LARS1: variants seen among roughly 807,000 people sequenced by gnomAD.
LARS1 encodes the protein leucyl-tRNA synthetase 1.
In LARS1, 100 loss-of-function variants were observed where a neutral mutation model predicts 162.8. The ratio of observed to expected loss-of-function variants is 0.61; its 90% CI spans 0.52 to 0.73. The LOEUF is 0.73. LARS1 is among the 30% of genes least tolerant of loss of function. LARS1 has a pLI of 0.00. For missense variants in LARS1, 1,258 were observed against 1,408.9 expected (o/e 0.89, Z 1.71); for synonymous variants, 457 against 462.8 (o/e 0.99, Z 0.16).
intron 18 of LARS1, 82 bp from the exon 19 acceptor site, chr5:146,143,632 C>T: frequency 8.0e-7 from 1 of 1,243,742 alleles, no homozygotes; most frequent in Non-Finnish European, 1.1e-6. Flanking sequence ...GGGGCTATAA[C>T]ATTTACAAAG....
chr5:146,174,546 GTATATATCCATATA>G (rs1754452605), intron 2 of LARS1, among the ~76,000 whole-genome samples: 1 of 67,336 alleles, frequency 1.5e-5, no homozygotes, highest in Non-Finnish European at 3.6e-5. Context: ...ATCCATATAT[GTATATATCCATATA>G]TATATATATC....
intron 2 of LARS1, among the ~76,000 whole-genome samples, chr5:146,175,470 A>C (rs996946117): frequency 6.8e-6 from 1 of 147,084 alleles, no homozygotes; most frequent in Non-Finnish European, 1.5e-5. Context: ...TGAACCCGGG[A>C]GGCAGAGGTT....
chr5:146,120,322 A>G (rs999869016), intron 31 of LARS1, 49 bp downstream of exon 31: 3 of 1,602,670 alleles, frequency 1.9e-6, no homozygotes, highest in African/African-American at 2.7e-5. Context: ...CTTAGAACTC[A>G]CCAAATCTAC....
intron 24 of LARS1, 100 bp from the exon 25 acceptor site, chr5:146,130,258 C>T: frequency 8.8e-7 from 1 of 1,138,610 alleles, no homozygotes; most frequent in Non-Finnish European, 1.3e-6. Flanking sequence ...TTTTAAGTTT[C>T]TAGTCTTTTA....
intron 5 of LARS1, among the ~76,000 whole-genome samples, chr5:146,166,998 C>T (rs972420985): frequency 4.6e-5 from 7 of 152,160 alleles, no homozygotes; most frequent in Admixed American, 2.0e-4. Context: ...TAATAGTCTT[C>T]CTCCAAATCA....
At chr5:146,175,983 T>C (rs180769477) in intron 2 of LARS1, among the ~76,000 whole-genome samples, 1 of 151,808 alleles carries the variant, frequency 6.6e-6, no homozygotes, top group African/African-American at 2.4e-5. Context: ...AGCAAGACCC[T>C]GTCTCTAAGA....
chr5:146,181,386 A>T (rs918099445), intron 1 of LARS1, among the ~76,000 whole-genome samples: 3 of 151,510 alleles, frequency 2.0e-5, no homozygotes, highest in African/African-American at 7.3e-5. Context: ...AAAAACAAAA[A>T]AAAATAAAAC....
At chr5:146,146,929 G>T (rs1004861617) in intron 15 of LARS1, among the ~76,000 whole-genome samples, 4 of 151,908 alleles carry the variant, frequency 2.6e-5, no homozygotes, top group Admixed American at 6.6e-5. Flanking sequence ...GGCCAGGCTG[G>T]TCTCAAACTT....
At chr5:146,169,104 C>CAAGA (rs200941278) in intron 4 of LARS1, among the ~76,000 whole-genome samples, 44 of 151,424 alleles carry the variant, frequency 2.9e-4, no homozygotes, top group Non-Finnish European at 4.0e-4. Context: ...ATCCCACCAG[C>CAAGA]AAGAAAGAAA....
In LARS1 at chr5:146,160,232, C is replaced by T. The variant is rs537651992; in HGVS notation, c.707+142G>A. On this transcript the variant is annotated intron_variant, in intron 7 of 31. Transcript: ENST00000394434. ...TTTTTTATATAAAGAGATGTGGTCT[C>T]GCTATGTTGCCCAGGCTGGTCTCAA... is the stretch of plus-strand genomic sequence containing the variant. 9.1e-6 allele frequency: 4 copies of T among 439,278 alleles called. No individual in the cohort carries two copies. In the East Asian group the frequency reaches 1.3e-4, roughly 14 times the overall value. 27.2% of individuals were successfully genotyped at this position (439,278 alleles called of 1,614,324 possible).
In LARS1 at chr5:146,120,464, T is replaced by C; in HGVS notation, c.3232A>G (p.Asn1078Asp). The change falls in exon 31 of 32, where the codon AAT (asparagine) becomes GAT (aspartate). Residue 1078 changes from asparagine to aspartate, a missense_variant. Coordinates refer to ENST00000394434, the MANE Select transcript of LARS1 (RefSeq NM_020117.11). Reference sequence around the variant, plus strand: ...TCAATTTTGGTTGAGAAGTGGCCATTGGATGGCTGGGGATTCACCAGAGAA... The same window carrying C: ...TCAATTTTGGTTGAGAAGTGGCCATCGGATGGCTGGGGATTCACCAGAGAA... ...SVSLVNPQPS[N>D]GHFSTKIEIR... 2 of 1,613,150 alleles carry C rather than the reference T, an allele frequency of 1.2e-6. No homozygotes were observed. Among genetic ancestry groups the C allele is most frequent in the Non-Finnish European group, 8.5e-7 (1 of 1,179,350 alleles).
rs762844468 is a variant in LARS1 at position 146,171,965 on chromosome 5, T to C, written c.239A>G (p.Lys80Arg). Residue 80 changes from lysine to arginine, a missense_variant, in exon 4 of 32, where the codon AAA (lysine) becomes AGA (arginine). Lys to Arg is a conservative substitution (Grantham distance 26). Coordinates refer to ENST00000394434, the MANE Select transcript of LARS1 (RefSeq NM_020117.11). ...AAAGGGAAACAGACAACATTTTCCT[T>C]TCAATCGCTGGTACCCTACAGCAAA... is the stretch of plus-strand genomic sequence containing the variant. ...CEFAVGYQRL[K>R]GKCCLFPFGL... 2.5e-6 allele frequency: 4 copies of C among 1,613,796 alleles called. No individual in the cohort carries two copies. The African/African-American group carries it at 4.0e-5, about 16-fold the overall frequency.
intron 1 of LARS1, among the ~76,000 whole-genome samples, chr5:146,180,567 A>G (rs1754792067): frequency 6.6e-6 from 1 of 152,206 alleles, no homozygotes; most frequent in South Asian, 2.1e-4. Context: ...AAAGAAGACT[A>G]TGAAAGCAAG....
chr5:146,143,338 C>A, intron 19 of LARS1, 74 bp downstream of exon 19: 3 of 1,503,950 alleles, frequency 2.0e-6, no homozygotes, highest in South Asian at 2.6e-5. Flanking sequence ...CTTATTAAAA[C>A]ATTTAAATAC....
At chr5:146,154,460 A>T (rs1753432510) in intron 10 of LARS1, among the ~76,000 whole-genome samples, 1 of 152,260 alleles carries the variant, frequency 6.6e-6, no homozygotes, top group Non-Finnish European at 1.5e-5. Context: ...ATTGCGTACC[A>T]TAAATACAAT....
At chr5:146,174,559 T>A (rs1307099318) in intron 2 of LARS1, among the ~76,000 whole-genome samples, 2 of 89,290 alleles carry the variant, frequency 2.2e-5, no homozygotes, top group Non-Finnish European at 4.8e-5. Flanking sequence ...TATATCCATA[T>A]ATATATATAT....
chr5:146,168,077 A>G, intron 5 of LARS1, 51 bp downstream of exon 5: 1 of 1,487,836 alleles, frequency 6.7e-7, no homozygotes, highest in Non-Finnish European at 9.2e-7. Context: ...GCACATATAA[A>G]TCAGAAAAAT....
At chr5:146,179,286 C>T (rs1003215825) in intron 1 of LARS1, among the ~76,000 whole-genome samples, 1 of 152,004 alleles carries the variant, frequency 6.6e-6, no homozygotes, top group African/African-American at 2.4e-5. Flanking sequence ...CTCAGCCTCC[C>T]GAGCAGCTGG....
chr5:146,140,143 C>A, intron 21 of LARS1, 61 bp downstream of exon 21: 4 of 1,313,838 alleles, frequency 3.0e-6, no homozygotes, highest in Non-Finnish European at 4.4e-6. Context: ...AAAAGTGCAA[C>A]AACCTAAATC....
Sources: gnomAD v4.1 joint callset for allele counts (sites outside exome capture counted in the v4.1 genomes callset) on GRCh38, gnomAD v4.1.1 for gene constraint, MANE v1.5 for transcripts, NCBI Gene and HGNC (gene_info 2026-07-23, HGNC 2026-07-21) for gene names.